MAPK10: variants seen among roughly 807,000 people sequenced by gnomAD.
MAPK10 encodes the protein mitogen-activated protein kinase 10, also known as JNK3 alpha protein kinase.
A neutral mutation model predicts 59.3 loss-of-function variants in MAPK10; 25 were observed. The observed-to-expected ratio is 0.42, with a 90% CI of 0.31 to 0.59. The LOEUF is 0.59. Ranked by LOEUF, MAPK10 falls within the 20% of genes least tolerant of loss-of-function variation. The pLI is 0.15. For synonymous variants in MAPK10, 190 were observed against 200.5 expected (o/e 0.95, Z 0.44); for missense variants, 351 against 568.9 (o/e 0.62, Z 3.90).
At chr4:86,593,968 G>A (rs1168938033) in exon 1 of MAPK10, 1 of 152,228 alleles carries the variant, frequency 6.6e-6, no homozygotes, top group Non-Finnish European at 1.5e-5. Flanking sequence ...GAAGTTAGAA[G>A]TGTGGGGGTC....
intron 2 of MAPK10, among the ~76,000 whole-genome samples, chr4:86,229,667 T>C (rs1051261225): frequency 6.6e-6 from 1 of 152,030 alleles, no homozygotes; most frequent in East Asian, 1.9e-4. Flanking sequence ...GTGAAATATA[T>C]AGGAACTTTC....
At chr4:86,580,703 A>G (rs888672437) in intron 1 of MAPK10, among the ~76,000 whole-genome samples, 1 of 152,206 alleles carries the variant, frequency 6.6e-6, no homozygotes, top group African/African-American at 2.4e-5. Flanking sequence ...TTCTAGCAAG[A>G]TTTTAATGGG....
At chr4:86,532,735 A>T (rs970113021) in intron 1 of MAPK10, among the ~76,000 whole-genome samples, 1 of 152,008 alleles carries the variant, frequency 6.6e-6, no homozygotes, top group African/African-American at 2.4e-5. Flanking sequence ...ACTTTTCTGA[A>T]TCTCCAATGA....
chr4:86,268,114 C>T (rs1583781617), intron 2 of MAPK10: 1 of 152,144 alleles, frequency 6.6e-6, no homozygotes, highest in Non-Finnish European at 1.5e-5. Flanking sequence ...CATACACACA[C>T]AGAGAGACAC....
chr4:86,335,162 C>T (rs535833259), intron 2 of MAPK10: 80 of 152,096 alleles, frequency 5.3e-4, no homozygotes, highest in Admixed American at 4.7e-3. Flanking sequence ...ATAGCCTGAA[C>T]GAAATGAAAG....
At chr4:86,528,326 A>T (rs1302524237) in intron 1 of MAPK10, among the ~76,000 whole-genome samples, 3 of 152,098 alleles carry the variant, frequency 2.0e-5, no homozygotes, top group African/African-American at 7.2e-5. Context: ...AATATAAAGC[A>T]ATTCCATGAT....
chr4:86,076,594 A>T (rs1039747710), intron 9 of MAPK10, among the ~76,000 whole-genome samples: 1 of 152,220 alleles, frequency 6.6e-6, no homozygotes, highest in Admixed American at 6.5e-5. Flanking sequence ...GTGTTTTGTC[A>T]CAAGCAACTC....
At chr4:86,076,475 A>G (rs138957852) in intron 9 of MAPK10, among the ~76,000 whole-genome samples, 82 of 152,302 alleles carry the variant, frequency 5.4e-4, no homozygotes, top group Middle Eastern at 3.4e-3. Flanking sequence ...TGGAACTCCT[A>G]TCTCCTGTTT....
At chr4:86,572,177 A>G (rs978211689) in intron 1 of MAPK10, among the ~76,000 whole-genome samples, 3 of 152,118 alleles carry the variant, frequency 2.0e-5, no homozygotes, top group Non-Finnish European at 4.4e-5. Context: ...TTTTATTTCA[A>G]GTCTACCAAC....
chr4:86,228,546 T>C (rs1211283237), intron 2 of MAPK10, among the ~76,000 whole-genome samples: 1 of 152,242 alleles, frequency 6.6e-6, no homozygotes, highest in African/African-American at 2.4e-5. Context: ...CTCAGAAGCC[T>C]TGCCAGATCA....
intron 11 of MAPK10, chr4:86,031,793 T>C (rs2282597): frequency 0.24 from 45,177 of 189,140 alleles, 5,663 homozygotes; most frequent in East Asian, 0.27. Flanking sequence ...TTTTCCTTCA[T>C]TCACTTGCCT....
intron 1 of MAPK10, among the ~76,000 whole-genome samples, chr4:86,563,025 A>C (rs375751199): frequency 6.6e-6 from 1 of 152,072 alleles, no homozygotes; most frequent in African/African-American, 2.4e-5. Flanking sequence ...TGTTATGTTT[A>C]TTTCTTTCCT....
At chr4:86,056,280 T>C (rs2044535388) in intron 11 of MAPK10, among the ~76,000 whole-genome samples, 1 of 150,274 alleles carries the variant, frequency 6.7e-6, no homozygotes, top group East Asian at 1.9e-4. Flanking sequence ...CATATTTTAT[T>C]CAATGGTTTA....
At chr4:86,368,071 A>G (rs146534663) in intron 1 of MAPK10, among the ~76,000 whole-genome samples, 2 of 152,316 alleles carry the variant, frequency 1.3e-5, no homozygotes, top group East Asian at 3.9e-4. Flanking sequence ...CCCACAGCTT[A>G]CCATAGTCAT....
intron 2 of MAPK10, among the ~76,000 whole-genome samples, chr4:86,312,396 A>G (rs1182620521): frequency 1.3e-5 from 2 of 152,070 alleles, no homozygotes; most frequent in Non-Finnish European, 2.9e-5. Context: ...AATACCCATA[A>G]TGTCCTTCCA....
intron 2 of MAPK10, among the ~76,000 whole-genome samples, chr4:86,218,450 C>T (rs994726767): frequency 6.6e-6 from 1 of 151,988 alleles, no homozygotes; most frequent in South Asian, 2.1e-4. Context: ...TGTGAGCCAC[C>T]GCGCCTGGCC....
At chr4:86,114,504 A>G (rs963437913) in intron 4 of MAPK10, among the ~76,000 whole-genome samples, 2 of 152,160 alleles carry the variant, frequency 1.3e-5, no homozygotes, top group Non-Finnish European at 2.9e-5. Flanking sequence ...CTGCACTTGG[A>G]GGTATCACCA....
At chr4:86,444,570 G>A (rs1749791007) in intron 1 of MAPK10, among the ~76,000 whole-genome samples, 1 of 151,942 alleles carries the variant, frequency 6.6e-6, no homozygotes, top group African/African-American at 2.4e-5. Flanking sequence ...TTGATAAATG[G>A]GTTCTAATTA....
chr4:86,262,131 GTTGAGAAGTGGGACTT>G (rs1233587116), intron 2 of MAPK10, among the ~76,000 whole-genome samples: 6 of 152,238 alleles, frequency 3.9e-5, no homozygotes, highest in Non-Finnish European at 8.8e-5. Flanking sequence ...ATGCAACAGT[GTTGAGAAGTGGGACTT>G]TTGAGAGGTG....
Sources: allele counts gnomAD v4.1 joint callset (sites outside exome capture counted in the v4.1 genomes callset), GRCh38; gene constraint gnomAD v4.1.1; transcripts MANE v1.5; gene names NCBI Gene and HGNC (gene_info 2026-07-23, HGNC 2026-07-21).